Variants in SLC39A12 observed in about 807,000 individuals in gnomAD.
SLC39A12 encodes the protein zinc transporter ZIP12.
SLC39A12 carries 63 observed loss-of-function variants against 71.1 expected under a neutral mutation model. That is an observed-to-expected ratio of 0.89 (90% CI 0.72 to 1.09). The LOEUF (loss-of-function observed/expected upper bound fraction) is 1.09, where lower values mean the gene tolerates loss of function less well. SLC39A12 is among the 50% of genes least tolerant of loss of function. The pLI, the probability that SLC39A12 is intolerant of heterozygous loss-of-function variation, is 0.00. For synonymous variants in SLC39A12, 351 were observed against 301.3 expected (o/e 1.16, Z -1.71); for missense variants, 892 against 812.6 (o/e 1.10, Z -1.19).
chr10:18,041,573 CACAT>C (rs201496767), intron 12 of SLC39A12, among the ~76,000 whole-genome samples: 1,230 of 114,250 alleles, frequency 0.011, 42 homozygotes, highest in Middle Eastern at 0.027. Flanking sequence ...CATACACACA[CACAT>C]ACATACACAC....
At position 17,991,308 on chromosome 10, in the gene SLC39A12, A is replaced by G; in HGVS notation, c.1422+5A>G. On this transcript the variant is annotated splice_donor_5th_base_variant and intron_variant, in intron 8 of 12. Transcript: ENST00000377369. ...CTTGTATCACCAAATGACAAGGTAT[A>G]TTTTTAAGTTTTATTTGTCTTGTGC... 1.3e-6 allele frequency: 2 copies of G among 1,568,360 alleles called. No individual in the cohort carries two copies. The highest frequency in any genetic ancestry group is 1.7e-6 in the Non-Finnish European group (2 of 1,164,312).
chr10:17,968,624 A>G (rs1437670477), intron 4 of SLC39A12, among the ~76,000 whole-genome samples: 1 of 152,060 alleles, frequency 6.6e-6, no homozygotes, highest in African/African-American at 2.4e-5. Context: ...CTGGATATAA[A>G]ATTCTTGATC....
At chr10:18,040,780 A>C (rs1253625127) in intron 12 of SLC39A12, among the ~76,000 whole-genome samples, 2 of 152,002 alleles carry the variant, frequency 1.3e-5, no homozygotes, top group Non-Finnish European at 2.9e-5. Context: ...AAAAAAAAAA[A>C]AAAAAAGTGT....
intron 4 of SLC39A12, among the ~76,000 whole-genome samples, chr10:17,967,898 A>T (rs2044207): frequency 0.19 from 22,199 of 119,224 alleles, 2,261 homozygotes; most frequent in Middle Eastern, 0.28. Context: ...AAAAAAAAAA[A>T]ATATATATAT....
intron 12 of SLC39A12, among the ~76,000 whole-genome samples, chr10:18,034,203 C>T (rs1278936794): frequency 6.6e-6 from 1 of 151,550 alleles, no homozygotes. Flanking sequence ...TCCTGGGTAT[C>T]CTTGTTGACT....
chr10:18,024,139 G>A (rs1836610429), intron 12 of SLC39A12, among the ~76,000 whole-genome samples: 1 of 152,160 alleles, frequency 6.6e-6, no homozygotes, highest in Admixed American at 6.5e-5. Flanking sequence ...GGGGTCCCAG[G>A]CCAGTGGGCT....
At chr10:17,965,406 G>T (rs1834798478) in intron 3 of SLC39A12, 77 bp from the exon 4 acceptor site, 2 of 1,354,620 alleles carry the variant, frequency 1.5e-6, no homozygotes, top group South Asian at 1.2e-5. Context: ...ATCCCTTTAG[G>T]GGGAAATTTC....
intron 12 of SLC39A12, among the ~76,000 whole-genome samples, chr10:18,030,602 A>G (rs1045601860): frequency 2.1e-5 from 3 of 141,360 alleles, no homozygotes; most frequent in Non-Finnish European, 4.6e-5. Flanking sequence ...ATATATTTTT[A>G]TTTTATTTTA....
intron 4 of SLC39A12, among the ~76,000 whole-genome samples, chr10:17,971,681 G>A (rs139239693): frequency 1.3e-5 from 2 of 151,894 alleles, no homozygotes; most frequent in African/African-American, 4.8e-5. Context: ...CAGTTGTAAT[G>A]TCTCTTTTTT....
chr10:18,024,101 G>C (rs965007495), intron 12 of SLC39A12, among the ~76,000 whole-genome samples: 1 of 152,070 alleles, frequency 6.6e-6, no homozygotes. Flanking sequence ...TGGCCCTAGT[G>C]CCCAGGTGGA....
intron 10 of SLC39A12, among the ~76,000 whole-genome samples, chr10:18,000,324 T>TG (rs1319410318): frequency 6.6e-6 from 1 of 152,204 alleles, no homozygotes; most frequent in African/African-American, 2.4e-5. Context: ...TTAAATGCAT[T>TG]GCAAAAGACA....
chr10:17,987,859 A>C (rs1835443072), intron 7 of SLC39A12, among the ~76,000 whole-genome samples: 1 of 152,160 alleles, frequency 6.6e-6, no homozygotes, highest in Non-Finnish European at 1.5e-5. Flanking sequence ...GCCACATAGT[A>C]GTAGTATTTT....
chr10:17,990,418 A>C (rs1009502765), intron 7 of SLC39A12, among the ~76,000 whole-genome samples: 1 of 152,184 alleles, frequency 6.6e-6, no homozygotes, highest in African/African-American at 2.4e-5. Flanking sequence ...TTTAAAATTT[A>C]ATAGTAACAT....
intron 4 of SLC39A12, among the ~76,000 whole-genome samples, chr10:17,967,737 A>G (rs1196234657): frequency 6.6e-6 from 1 of 151,482 alleles, no homozygotes; most frequent in Non-Finnish European, 1.5e-5. Flanking sequence ...ACAAAAAAAA[A>G]TAAGCCAGGC....
At chr10:17,953,677 T>G in intron 2 of SLC39A12, 140 bp downstream of exon 2, 1 of 1,083,844 alleles carries the variant, frequency 9.2e-7, no homozygotes, top group Non-Finnish European at 1.3e-6. Flanking sequence ...GGTAAAATAA[T>G]TTCCATATTT....
chr10:17,957,869 A>G (rs908662717), intron 2 of SLC39A12, among the ~76,000 whole-genome samples: 1 of 152,306 alleles, frequency 6.6e-6, no homozygotes, highest in African/African-American at 2.4e-5. Context: ...AAAAGGGAGG[A>G]AGGTTTCCAG....
chr10:18,035,906 C>T (rs577203716), intron 12 of SLC39A12, among the ~76,000 whole-genome samples: 13 of 151,986 alleles, frequency 8.6e-5, no homozygotes, highest in Admixed American at 2.6e-4. Context: ...AATACCCTGC[C>T]GTGTGAGGTG....
intron 6 of SLC39A12, among the ~76,000 whole-genome samples, chr10:17,982,600 C>T (rs1328020514): frequency 6.6e-6 from 1 of 152,148 alleles, no homozygotes; most frequent in Non-Finnish European, 1.5e-5. Context: ...TAAGATTCTA[C>T]ATTCACTAAG....
chr10:18,005,776 C>T (rs1024533239), intron 12 of SLC39A12: 2 of 152,124 alleles, frequency 1.3e-5, no homozygotes, highest in Non-Finnish European at 2.9e-5. Flanking sequence ...CTGTGAGATT[C>T]CAGCTGGCAT....
Sources: allele counts gnomAD v4.1 joint callset (sites outside exome capture counted in the v4.1 genomes callset), GRCh38; gene constraint gnomAD v4.1.1; transcripts MANE v1.5; gene names NCBI Gene and HGNC (gene_info 2026-07-23, HGNC 2026-07-21).